Variants in RPUSD1 observed in about 807,000 individuals in gnomAD.
RPUSD1 encodes the protein pseudouridylate synthase RPUSD1.
A neutral mutation model predicts 22.4 loss-of-function variants in RPUSD1; 28 were observed. That is an observed-to-expected ratio of 1.25 (90% CI 0.93 to 1.72). RPUSD1 has a LOEUF of 1.72. Ranked by LOEUF, RPUSD1 falls within the 40% of genes most tolerant of loss-of-function variation. The pLI, the probability that RPUSD1 is intolerant of heterozygous loss-of-function variation, is 0.00. For missense variants in RPUSD1, 596 were observed against 442.2 expected, an observed-to-expected ratio of 1.35 and a Z score of -3.12; for synonymous variants, 298 against 201.0, an observed-to-expected ratio of 1.48 and a Z score of -4.08.
In RPUSD1 at chr16:787,645, G is replaced by A. The variant is rs1456381872; in HGVS notation, c.93C>T (p.Ser31=). The A allele has an allele frequency of 3.7e-6, 6 of 1,612,202 alleles. No individual in the cohort carries two copies. The highest frequency in any genetic ancestry group is 4.5e-5 in the East Asian group (2 of 44,892). The change falls in exon 2 of 6, where the codon AGC becomes AGT. Residue 31 remains serine (S), a synonymous_variant. Coordinates refer to ENST00000007264, the MANE Select transcript of RPUSD1 (RefSeq NM_058192.3). ...VNKHWDVRID[S]KAWRETLTLQ... is the part of the protein sequence containing the mutation. ...GGGTCAGAGTCTCCCGCCACGCCTT[G>A]CTGTCAATGCGAACGTCCCAGTGCT...
intron 1 of RPUSD1, 98 bp from the exon 2 acceptor site, chr16:787,842 C>T (rs934062073): frequency 3.4e-5 from 44 of 1,301,054 alleles, no homozygotes; most frequent in Non-Finnish European, 4.5e-5. Flanking sequence ...GGCTCCGGTG[C>T]GAAGCCACCG....
chr16:787,820 C>T, intron 1 of RPUSD1, 76 bp from the exon 2 acceptor site: 1 of 1,473,288 alleles, frequency 6.8e-7, no homozygotes, highest in Non-Finnish European at 9.2e-7. Context: ...GGTACCCGCA[C>T]CGCCCCACCC....
In RPUSD1 at chr16:787,175, C is replaced by G. The variant is rs140807959; in HGVS notation, c.311G>C (p.Arg104Pro). ...TACCCGGCTCTCCTGGATGTGCCCC[C>G]GCAGCTGCAGGAGAGGGAGAATCGC... ...RVTKAYLALL[R>P]GHIQESRVTI... The change falls in exon 4 of 6, where the codon CGG becomes CCG. Residue 104 changes from arginine (R) to proline (P), a missense_variant. By Grantham distance (103) the Arg-to-Pro change is moderately radical. Coordinates refer to ENST00000007264, the MANE Select transcript of RPUSD1 (RefSeq NM_058192.3). The G allele has an allele frequency of 1.7e-5, 27 of 1,603,062 alleles. No individual in the cohort carries two copies. In the Admixed American group the frequency reaches 3.3e-4, roughly 20 times the overall value.
Position 787,150 on chromosome 16 carries a change from T to C in RPUSD1, c.336A>G (p.Val112=). 1.2e-6 allele frequency: 2 copies of C among 1,607,310 alleles called. No individual in the cohort carries two copies. The highest frequency in any genetic ancestry group is 2.7e-5 in the African/African-American group (2 of 74,978). ...LLRGHIQESR[V]TISHAIGRNS... Reference sequence around the variant, plus strand: ...TCCTGCCAATGGCATGGCTGATGGTTACCCGGCTCTCCTGGATGTGCCCCC... The same window carrying C: ...TCCTGCCAATGGCATGGCTGATGGTCACCCGGCTCTCCTGGATGTGCCCCC... The change falls in exon 4 of 6, where the codon GTA becomes GTG. Residue 112 remains valine, a synonymous_variant. Coordinates refer to ENST00000007264, the MANE Select transcript of RPUSD1 (RefSeq NM_058192.3).
chr16:786,717 C>G (rs1300498728), intron 5 of RPUSD1, 110 bp downstream of exon 5: 2 of 919,386 alleles, frequency 2.2e-6, no homozygotes, highest in South Asian at 2.6e-5. Context: ...CGCAGGAGTG[C>G]TTGTTGCCAG....
chr16:787,874 G>A (rs570125494), intron 1 of RPUSD1, 130 bp from the exon 2 acceptor site: 2 of 838,142 alleles, frequency 2.4e-6, no homozygotes. Context: ...CAGCCCTACT[G>A]TGCACCTGCA....
At position 786,886 on chromosome 16, in the gene RPUSD1, A is replaced by C. The variant is rs1295370295; in HGVS notation, c.452T>G (p.Leu151Arg). The C allele has an allele frequency of 1.2e-6, 2 of 1,613,230 alleles. No individual in the cohort carries two copies. Among genetic ancestry groups the C allele is most frequent in the African/African-American group, 2.7e-5 (2 of 74,914 alleles). Residue 151 changes from leucine to arginine, a missense_variant, in exon 5 of 6, where the codon CTG becomes CGG. Physicochemically the swap from Leu to Arg is moderately radical, Grantham distance 102. Transcript: ENST00000007264. ...ATCGCCTGCGTACAGCCCGTGTTCC[A>C]GAACCACGAGATCTGTGAGGCTTGG... ...PKPSLTDLVV[L>R]EHGLYAGDPV...
At chr16:786,628 C>G (rs1056437221) in intron 5 of RPUSD1, 199 bp downstream of exon 5, 6 of 733,836 alleles carry the variant, frequency 8.2e-6, no homozygotes, top group African/African-American at 6.9e-5. Context: ...CAGCCAGACC[C>G]CCAAGGAATC....
chr16:786,603 C>T (rs1345917238), intron 5 of RPUSD1: 5 of 738,858 alleles, frequency 6.8e-6, no homozygotes, highest in Middle Eastern at 2.2e-4. Flanking sequence ...GTGCTCGGTC[C>T]TGGAGAATCT....
At chr16:786,624 G>A (rs770445764) in intron 5 of RPUSD1, 1 of 733,130 alleles carries the variant, frequency 1.4e-6, no homozygotes, top group South Asian at 1.5e-5. Flanking sequence ...AGGCCAGCCA[G>A]ACCCCCAAGG....
At position 786,380 on chromosome 16, in the gene RPUSD1, G is replaced by T; in HGVS notation, c.512-3C>A. 6.2e-7 allele frequency: 1 copy of T among 1,601,656 alleles called. No individual in the cohort carries two copies. The highest frequency in any genetic ancestry group is 1.1e-5 in the South Asian group (1 of 90,648). Reference sequence around the variant, plus strand: ...CACGCGCAGCTGGTGTGTCCGGCCTGCGGGATGAGGGCGGTGCCGGATCAA... The same window carrying T: ...CACGCGCAGCTGGTGTGTCCGGCCTTCGGGATGAGGGCGGTGCCGGATCAA... On this transcript the variant is annotated splice_region_variant and splice_polypyrimidine_tract_variant and intron_variant, in intron 5 of 5. Coordinates refer to ENST00000007264, the MANE Select transcript of RPUSD1 (RefSeq NM_058192.3).
In RPUSD1 at chr16:788,290, CCGTGCCCGGCGCCGGCTCCAGCCG is replaced by C; in HGVS notation, c.-66_-43del. 4.1e-6 allele frequency: 1 copy of C among 245,388 alleles called. No individual in the cohort carries two copies. Among genetic ancestry groups the C allele is most frequent in the Non-Finnish European group, 7.9e-6 (1 of 125,832 alleles). 15.2% of individuals were successfully genotyped at this position (245,388 alleles called of 1,614,324 possible). On this transcript the variant is annotated 5_prime_UTR_variant, in exon 1 of 6. Transcript: ENST00000007264. ...GGCCGTGCAGTCCAGGCCCCCGATG[CCGTGCCCGGCGCCGGCTCCAGCCG>C]CGCGCCCGCGCGCTGGCGACCCAGA...
At position 787,690 on chromosome 16, in the gene RPUSD1, G is replaced by A. The variant is rs754503303; in HGVS notation, c.48C>T (p.Arg16=). 1.6e-5 allele frequency: 25 copies of A among 1,611,954 alleles called. No individual in the cohort carries two copies. The African/African-American group carries it at 3.1e-4, about 20-fold the overall frequency. The part of the protein sequence containing the change: ...VENLSIVYRS[R]DFLVVNKHWD... ...AGTGCTTGTTGACCACCAGGAAGTCGCGGCTCCGGTACACGATGGACAGGT... is the reference window on the plus strand; with the variant it reads ...AGTGCTTGTTGACCACCAGGAAGTCACGGCTCCGGTACACGATGGACAGGT... The change falls in exon 2 of 6, where the codon CGC becomes CGT. Residue 16 remains arginine (R), a synonymous_variant. Transcript: ENST00000007264.
Position 786,991 on chromosome 16 carries a change from C to G in RPUSD1, c.410-63G>C, listed in dbSNP as rs966110279. On this transcript the variant is annotated intron_variant, in intron 4 of 5. Coordinates refer to ENST00000007264, the MANE Select transcript of RPUSD1 (RefSeq NM_058192.3). ...GACCCGGGGCCCAGGCCCACCCCAA[C>G]GCACGATGCCCGCCCGGTGGGTCCC... 1.7e-5 allele frequency: 27 copies of G among 1,566,578 alleles called. No individual in the cohort carries two copies. In the South Asian group the frequency reaches 3.1e-4, roughly 18 times the overall value.
Position 786,505 on chromosome 16 carries a change from T to C in RPUSD1, c.512-128A>G, listed in dbSNP as rs2041918678. 4.4e-6 allele frequency: 4 copies of C among 907,550 alleles called. No homozygotes were observed. The South Asian group carries it at 4.7e-5, about 11-fold the overall frequency. 56.2% of individuals were successfully genotyped at this position (907,550 alleles called of 1,614,324 possible). On this transcript the variant is annotated intron_variant, in intron 5 of 5. Transcript: ENST00000007264. The stretch of plus-strand genomic sequence containing the variant: ...GAAGCAGCCTCTTGGGGTGGAACTC[T>C]CCCTGTCCCCTGCCATGAGTGAGGA...
In RPUSD1 at chr16:787,071, C is replaced by A. The variant is rs1286731749; in HGVS notation, c.409+6G>T. 6.2e-7 allele frequency: 1 copy of A among 1,603,038 alleles called. No individual in the cohort carries two copies. The highest frequency in any genetic ancestry group is 8.5e-7 in the Non-Finnish European group (1 of 1,176,160). ...TGCCCGCCCGGTGGGTCCCTGCCTG[C>A]CACACCCTGCGAGCCCTCGATGCAC... On this transcript the variant is annotated splice_donor_region_variant and intron_variant, in intron 4 of 5. Transcript: ENST00000007264.
rs759228692 is a variant in RPUSD1, at chr16:788,303, C to T, written c.-55G>A. 1 of 227,890 alleles carries T rather than the reference C, an allele frequency of 4.4e-6. No individual in the cohort carries two copies. The highest frequency in any genetic ancestry group is 8.6e-6 in the Non-Finnish European group (1 of 116,532). 14.1% of individuals were successfully genotyped at this position (227,890 alleles called of 1,614,324 possible). ...AGGCCCCCGATGCCGTGCCCGGCGC[C>T]GGCTCCAGCCGCGCGCCCGCGCGCT... is the stretch of plus-strand genomic sequence containing the variant. On this transcript the variant is annotated 5_prime_UTR_variant, in exon 1 of 6. Transcript: ENST00000007264.
Position 785,680 on chromosome 16 carries a change from G to A in RPUSD1, c.*270C>T, listed in dbSNP as rs906977417. 7.8e-6 allele frequency: 3 copies of A among 384,564 alleles called. No individual in the cohort carries two copies. Among genetic ancestry groups the A allele is most frequent in the Non-Finnish European group, 9.2e-6 (2 of 217,470 alleles). 23.8% of individuals were successfully genotyped at this position (384,564 alleles called of 1,614,324 possible). On this transcript the variant is annotated 3_prime_UTR_variant, in exon 6 of 6. Transcript: ENST00000007264. ...TGTTCCAGGAGGAGGGAGGGGCCTC[G>A]GTTTCTCCCGGGGCATGTGGGCAGG...
rs1288427996 is a variant in RPUSD1, at chr16:788,332, G to A, written c.-84C>T. ...TCCAGCCGCGCGCCCGCGCGCTGGCGACCCAGAGACCCTGGAAGCTCCGCT... is the reference window on the plus strand; with the variant it reads ...TCCAGCCGCGCGCCCGCGCGCTGGCAACCCAGAGACCCTGGAAGCTCCGCT... On this transcript the variant is annotated 5_prime_UTR_variant, in exon 1 of 6. Coordinates refer to ENST00000007264, the MANE Select transcript of RPUSD1 (RefSeq NM_058192.3). 1.4e-5 allele frequency: 3 copies of A among 211,432 alleles called. No individual in the cohort carries two copies. Among genetic ancestry groups the A allele is most frequent in the Non-Finnish European group, 2.8e-5 (3 of 107,450 alleles). The allele number at this position is 211,432 out of a possible 1,614,324, so 13.1% of individuals were successfully genotyped here. A position where few individuals can be genotyped will look rare whatever the true frequency, so the allele number is the denominator to read the frequency against.
Sources: allele counts gnomAD v4.1 joint callset, GRCh38; gene constraint gnomAD v4.1.1; transcripts MANE v1.5; gene names NCBI Gene and HGNC (gene_info 2026-07-23, HGNC 2026-07-21).